Variants in BANP observed in about 807,000 individuals in gnomAD.
BANP encodes the protein protein BANP.
In BANP, 11 loss-of-function variants were observed where a neutral mutation model predicts 68.1. The observed-to-expected ratio is 0.16, with a 90% CI of 0.10 to 0.27. The LOEUF (loss-of-function observed/expected upper bound fraction) is 0.27. Among genes scored for constraint, BANP ranks in the 10% least tolerant of loss-of-function variants. The probability of loss-of-function intolerance (pLI) is 1.00; values close to 1 mark genes in which losing one functional copy is unlikely to be tolerated. For missense variants in BANP, 504 were observed against 722.7 expected (o/e 0.70, Z 3.47); for synonymous variants, 329 against 303.2 (o/e 1.09, Z -0.88).
At position 87,964,225 on chromosome 16, in the gene BANP, G is replaced by T. The variant is rs113987984; in HGVS notation, c.-68-10823G>T. ...TGCATTGGGGAATGACGTCAGTGGT[G>T]TGTTCTCACTGGACTCATCACAGAC... On this transcript the variant is annotated intron_variant, in intron 1 of 13. Transcript: ENST00000682872. Among the ~76,000 whole-genome samples, 6 of 152,374 alleles carry T rather than the reference G, an allele frequency of 3.9e-5. 1 individual carries two copies. The highest frequency in any genetic ancestry group is 1.4e-4 in the African/African-American group (6 of 41,582).
At chr16:88,076,278 A>C (rs1425822464) in intron 13 of BANP, among the ~76,000 whole-genome samples, 1 of 152,118 alleles carries the variant, frequency 6.6e-6, no homozygotes, top group Non-Finnish European at 1.5e-5. Context: ...CTTCCCAGTG[A>C]GGCAGCGGGT....
intron 4 of BANP, among the ~76,000 whole-genome samples, chr16:87,988,330 C>A (rs375536954): frequency 3.3e-5 from 5 of 152,176 alleles, no homozygotes; most frequent in African/African-American, 1.2e-4. Context: ...ATGGCATGAT[C>A]TTGGCTCACT....
intron 1 of BANP, among the ~76,000 whole-genome samples, chr16:87,970,756 G>A (rs988657952): frequency 1.1e-4 from 17 of 151,978 alleles, no homozygotes; most frequent in Admixed American, 7.9e-4. Context: ...GCGGTGGCTC[G>A]GCCTGTCATC....
intron 8 of BANP, among the ~76,000 whole-genome samples, chr16:88,031,629 A>G (rs1017959727): frequency 5.3e-5 from 8 of 150,824 alleles, no homozygotes; most frequent in African/African-American, 1.7e-4. Context: ...AGCCTGGGTG[A>G]CAGAGCAAGA....
intron 12 of BANP, among the ~76,000 whole-genome samples, chr16:88,066,824 C>T (rs8048697): frequency 0.022 from 3,366 of 152,240 alleles, 131 homozygotes; most frequent in African/African-American, 0.077. Context: ...CCCAGCGGTG[C>T]GGGCGCTCCC....
intron 13 of BANP, among the ~76,000 whole-genome samples, chr16:88,076,261 C>G (rs1389055179): frequency 2.0e-5 from 3 of 152,214 alleles, no homozygotes; most frequent in African/African-American, 7.2e-5. Flanking sequence ...TCTCCACTTC[C>G]AGGTTACTTC....
At chr16:88,070,098 G>A (rs996443053) in intron 12 of BANP, among the ~76,000 whole-genome samples, 3 of 152,100 alleles carry the variant, frequency 2.0e-5, no homozygotes, top group African/African-American at 7.2e-5. Flanking sequence ...TGAATACCAC[G>A]TTTTCCCTCG....
intron 11 of BANP, among the ~76,000 whole-genome samples, chr16:88,059,023 A>T (rs189939169): frequency 1.1e-3 from 167 of 150,902 alleles, no homozygotes; most frequent in African/African-American, 3.5e-3. Flanking sequence ...TGTATCAGGG[A>T]TGTTGCCTGG....
At chr16:87,969,723 G>C (rs545047740) in intron 1 of BANP, among the ~76,000 whole-genome samples, 9 of 151,768 alleles carry the variant, frequency 5.9e-5, no homozygotes, top group African/African-American at 1.7e-4. Flanking sequence ...TAGTAGAGAC[G>C]GGCTTTCACC....
At chr16:87,979,160 G>A (rs1225941847) in intron 2 of BANP, among the ~76,000 whole-genome samples, 5 of 152,098 alleles carry the variant, frequency 3.3e-5, no homozygotes, top group Non-Finnish European at 7.4e-5. Flanking sequence ...CAGGCTTAAA[G>A]GCATGGACAG....
chr16:88,054,893 G>A (rs1431060980), intron 11 of BANP, among the ~76,000 whole-genome samples: 1 of 152,178 alleles, frequency 6.6e-6, no homozygotes, highest in Non-Finnish European at 1.5e-5. Context: ...CTAATGTGCA[G>A]TATGGTTTGA....
At chr16:88,027,781 C>G in intron 8 of BANP, 131 bp downstream of exon 8, 3 of 1,098,136 alleles carry the variant, frequency 2.7e-6, no homozygotes, top group Non-Finnish European at 3.9e-6. Context: ...GAGGCTTGCG[C>G]GGTGCGCACG....
chr16:87,965,996 G>C (rs1006621359), intron 1 of BANP, among the ~76,000 whole-genome samples: 1 of 152,184 alleles, frequency 6.6e-6, no homozygotes, highest in South Asian at 2.1e-4. Context: ...TGGATGTGTT[G>C]GCACACCTGG....
At chr16:88,075,404 G>C (rs1360150090) in intron 13 of BANP, among the ~76,000 whole-genome samples, 1 of 152,222 alleles carries the variant, frequency 6.6e-6, no homozygotes, top group African/African-American at 2.4e-5. Context: ...TTGGGAGGCT[G>C]AGGTGGGAGG....
intron 7 of BANP, among the ~76,000 whole-genome samples, chr16:88,022,244 G>GC (rs2152690701): frequency 6.6e-6 from 1 of 152,258 alleles, no homozygotes; most frequent in African/African-American, 2.4e-5. Context: ...GCTCGCTCAC[G>GC]CCTCTGCTTG....
At position 88,076,846 on chromosome 16, in the gene BANP, G is replaced by T; in HGVS notation, c.*185G>T. On this transcript the variant is annotated 3_prime_UTR_variant, in exon 14 of 14. Transcript: ENST00000682872. ...GAAAGAGCAGCCGCCGCCGCCCCCA[G>T]CCGGAGACCCCTTTCGTTTGAGTCC... 1 of 586,086 alleles carries T rather than the reference G, an allele frequency of 1.7e-6. No homozygotes were observed. Among genetic ancestry groups the T allele is most frequent in the East Asian group, 2.9e-5 (1 of 34,100 alleles). 36.3% of individuals were successfully genotyped at this position (586,086 alleles called of 1,614,324 possible).
At position 87,984,113 on chromosome 16, in the gene BANP, A is replaced by G. The variant is rs1055983664; in HGVS notation, c.216A>G (p.Glu72=). ...TCTGCTTGCGGTTGGATAGCATTGA[A>G]GCCAAATTGCAAGCCCTGGAGGCTA... ...QTICLRLDSI[E]AKLQALEATC... The change falls in exon 4 of 14, where the codon GAA becomes GAG. Residue 72 remains glutamate (E), a synonymous_variant. Coordinates refer to ENST00000682872, the MANE Select transcript of BANP (RefSeq NM_001386991.1). 1.5e-5 allele frequency: 25 copies of G among 1,613,690 alleles called. No individual in the cohort carries two copies. The highest frequency in any genetic ancestry group is 2.0e-5 in the Non-Finnish European group (24 of 1,179,842).
intron 1 of BANP, among the ~76,000 whole-genome samples, chr16:87,956,083 G>C (rs1567568611): frequency 6.6e-6 from 1 of 152,168 alleles, no homozygotes; most frequent in Non-Finnish European, 1.5e-5. Flanking sequence ...CAGTGGTCTT[G>C]CAGCTCCCCC....
At chr16:87,961,415 C>CG (rs902478021) in intron 1 of BANP, among the ~76,000 whole-genome samples, 2 of 145,458 alleles carry the variant, frequency 1.4e-5, no homozygotes, top group African/African-American at 4.9e-5. Flanking sequence ...CTGCACCCCC[C>CG]CGGGCCTCCC....
Sources: gnomAD v4.1 joint callset for allele counts (sites outside exome capture counted in the v4.1 genomes callset) on GRCh38, gnomAD v4.1.1 for gene constraint, MANE v1.5 for transcripts, NCBI Gene and HGNC (gene_info 2026-07-23, HGNC 2026-07-21) for gene names.